PPARGC1A: variants seen among roughly 807,000 people sequenced by gnomAD.
PPARGC1A encodes PPARG coactivator 1 alpha.
PPARGC1A carries 25 observed loss-of-function variants against 88.7 expected under a neutral mutation model. The ratio of observed to expected loss-of-function variants is 0.28; its 90% CI spans 0.21 to 0.39. The LOEUF is 0.39. Ranked by LOEUF, PPARGC1A falls within the 10% of genes least tolerant of loss-of-function variation. PPARGC1A has a pLI of 1.00. For missense variants in PPARGC1A, 880 were observed against 968.7 expected, an observed-to-expected ratio of 0.91 and a Z score of 1.22; for synonymous variants, 363 against 355.6, an observed-to-expected ratio of 1.02 and a Z score of -0.24.
the PPARGC1A span, among the ~76,000 whole-genome samples, chr4:24,079,653 C>T: frequency 7.2e-5 from 11 of 151,836 alleles, no homozygotes; most frequent in Admixed American, 3.9e-4. Context: ...TGCTTAGAGG[C>T]CTTCTCATCC....
At chr4:23,855,761 C>T (rs1730087457) in intron 2 of PPARGC1A, among the ~76,000 whole-genome samples, 1 of 152,064 alleles carries the variant, frequency 6.6e-6, no homozygotes, top group Non-Finnish European at 1.5e-5. Flanking sequence ...AAAGCTTCTA[C>T]AGGGCCCACA....
chr4:24,025,527 C>G, the PPARGC1A span, among the ~76,000 whole-genome samples: 8 of 152,132 alleles, frequency 5.3e-5, no homozygotes, highest in Non-Finnish European at 8.8e-5. Context: ...AGCCCCACCC[C>G]CTTTGACTCT....
chr4:24,396,347 G>A, the PPARGC1A span, among the ~76,000 whole-genome samples: 3 of 152,164 alleles, frequency 2.0e-5, no homozygotes, highest in Non-Finnish European at 4.4e-5. Context: ...TGCAGCTGAC[G>A]AGCTGGGGAG....
chr4:24,085,116 C>T, the PPARGC1A span, among the ~76,000 whole-genome samples: 3 of 151,992 alleles, frequency 2.0e-5, no homozygotes. Flanking sequence ...GCACTTTAAA[C>T]ATAAAGAAAC....
the PPARGC1A span, among the ~76,000 whole-genome samples, chr4:24,011,038 G>C: frequency 6.6e-6 from 1 of 152,146 alleles, no homozygotes; most frequent in Admixed American, 6.6e-5. Context: ...GATGTATGAA[G>C]AATTAGTAGC....
chr4:24,470,404 G>C, the PPARGC1A span, among the ~76,000 whole-genome samples: 1 of 151,776 alleles, frequency 6.6e-6, no homozygotes, highest in Non-Finnish European at 1.5e-5. The surrounding 1 kb of genome is among the most constrained non-coding windows in gnomAD (Gnocchi z 5.8). Context: ...GTTGGCTCTC[G>C]GCAATCCTGG....
intron 7 of PPARGC1A, among the ~76,000 whole-genome samples, chr4:23,815,371 C>T (rs1721785107): frequency 1.3e-5 from 2 of 152,090 alleles, no homozygotes; most frequent in African/African-American, 4.8e-5. Flanking sequence ...GGTTCTGCAA[C>T]AGAAACCTAA....
chr4:24,418,377 TC>T, the PPARGC1A span, among the ~76,000 whole-genome samples: 7 of 152,162 alleles, frequency 4.6e-5, no homozygotes, highest in Non-Finnish European at 8.8e-5. Flanking sequence ...ATCTTCCAGC[TC>T]TCTGGCATTT....
chr4:24,455,114 T>C, the PPARGC1A span, among the ~76,000 whole-genome samples: 2 of 152,132 alleles, frequency 1.3e-5, no homozygotes, highest in Non-Finnish European at 2.9e-5. Context: ...GTCCCAAACA[T>C]TTGGGAATTA....
upstream of PPARGC1A, among the ~76,000 whole-genome samples, chr4:23,894,480 A>T (rs1718282233): frequency 6.6e-6 from 1 of 152,152 alleles, no homozygotes; most frequent in Non-Finnish European, 1.5e-5. Flanking sequence ...TGCCACAGTG[A>T]TGTCCATGTG....
chr4:24,148,424 T>C, the PPARGC1A span, among the ~76,000 whole-genome samples: 7 of 152,196 alleles, frequency 4.6e-5, no homozygotes, highest in Admixed American at 4.6e-4. Flanking sequence ...AACTCAGTCA[T>C]GATCTCTACC....
chr4:24,068,588 G>A, the PPARGC1A span, among the ~76,000 whole-genome samples: 8 of 152,138 alleles, frequency 5.3e-5, no homozygotes, highest in African/African-American at 1.7e-4. Context: ...CCACATTCAG[G>A]GTTTGTGTGT....
chr4:24,119,742 C>G, the PPARGC1A span, among the ~76,000 whole-genome samples: 1 of 152,066 alleles, frequency 6.6e-6, no homozygotes, highest in African/African-American at 2.4e-5. Context: ...TGCAGTCACT[C>G]TAGAATGAAT....
At chr4:24,387,876 G>A in the PPARGC1A span, among the ~76,000 whole-genome samples, 12 of 88,526 alleles carry the variant, frequency 1.4e-4, no homozygotes, top group African/African-American at 2.9e-4. Context: ...AAGGAAGAAA[G>A]AGAAAGAAAG....
the PPARGC1A span, among the ~76,000 whole-genome samples, chr4:24,181,943 C>T: frequency 6.6e-6 from 1 of 151,948 alleles, no homozygotes; most frequent in Admixed American, 6.6e-5. Flanking sequence ...TCTGAGGAAA[C>T]AAGATCACAT....
At chr4:24,185,785 C>G in the PPARGC1A span, among the ~76,000 whole-genome samples, 1 of 131,390 alleles carries the variant, frequency 7.6e-6, no homozygotes, top group African/African-American at 2.8e-5. Context: ...TATCCCTCCC[C>G]CCTCCCCCGA....
the PPARGC1A span, among the ~76,000 whole-genome samples, chr4:24,413,812 G>A: frequency 6.6e-6 from 1 of 152,152 alleles, no homozygotes; most frequent in Non-Finnish European, 1.5e-5. Flanking sequence ...ATCCCCCAAA[G>A]TAATCTTATA....
At chr4:24,288,631 C>T in the PPARGC1A span, among the ~76,000 whole-genome samples, 2 of 152,138 alleles carry the variant, frequency 1.3e-5, no homozygotes, top group Non-Finnish European at 2.9e-5. Context: ...ATAAAGTTGA[C>T]AGGAAGAGGA....
At chr4:23,957,301 G>C in the PPARGC1A span, among the ~76,000 whole-genome samples, 105 of 152,130 alleles carry the variant, frequency 6.9e-4, no homozygotes, top group African/African-American at 2.2e-3. Flanking sequence ...GAGTCATTTT[G>C]TTTTCTGTGT....
Sources: gnomAD v4.1 joint callset for allele counts (sites outside exome capture counted in the v4.1 genomes callset) on GRCh38, gnomAD v4.1.1 for gene constraint, Gnocchi (gnomAD v3.1) non-coding constraint, MANE v1.5 for transcripts, NCBI Gene and HGNC (gene_info 2026-07-23, HGNC 2026-07-21) for gene names.